SMG6: variants seen among roughly 807,000 people sequenced by gnomAD.
SMG6 encodes SMG6 nonsense mediated mRNA decay factor.
Under a neutral mutation model 142.2 loss-of-function variants are expected in SMG6, and 66 were observed. That is an observed-to-expected ratio of 0.46 (90% confidence interval 0.38 to 0.57). The LOEUF (loss-of-function observed/expected upper bound fraction) is 0.57, where lower values mean the gene tolerates loss of function less well. SMG6 is among the 20% of genes least tolerant of loss of function. The pLI is 0.00. For missense variants in SMG6, 1,793 were observed against 1,832.0 expected, an observed-to-expected ratio of 0.98 and a Z score of 0.39; for synonymous variants, 779 against 702.4, an observed-to-expected ratio of 1.11 and a Z score of -1.72.
intron 10 of SMG6, among the ~76,000 whole-genome samples, chr17:2,234,535 T>C (rs1378253987): frequency 6.6e-6 from 1 of 152,168 alleles, no homozygotes; most frequent in East Asian, 1.9e-4. Flanking sequence ...AGCGCTGGGA[T>C]TACAGGCGTG....
intron 10 of SMG6, among the ~76,000 whole-genome samples, chr17:2,231,558 G>A (rs1350349806): frequency 6.6e-6 from 1 of 152,084 alleles, no homozygotes; most frequent in Non-Finnish European, 1.5e-5. Context: ...TTAGCCAGGC[G>A]TGGTGGTGGG....
At chr17:2,091,148 A>G (rs1431729809) in intron 13 of SMG6, among the ~76,000 whole-genome samples, 1 of 152,256 alleles carries the variant, frequency 6.6e-6, no homozygotes, top group Non-Finnish European at 1.5e-5. Context: ...TCAATTCTGT[A>G]GCAGCCAAGG....
intron 9 of SMG6, among the ~76,000 whole-genome samples, chr17:2,238,036 G>C (rs1257230650): frequency 6.6e-6 from 1 of 152,204 alleles, no homozygotes; most frequent in Non-Finnish European, 1.5e-5. Flanking sequence ...ATAGAAAGCA[G>C]TTTCAAGTTC....
At chr17:2,224,709 G>A (rs1183827194) in intron 10 of SMG6, among the ~76,000 whole-genome samples, 2 of 151,930 alleles carry the variant, frequency 1.3e-5, no homozygotes, top group East Asian at 3.9e-4. Context: ...TTCCAAAACT[G>A]ATAGGAAAAC....
At chr17:2,253,286 C>T (rs1332596002) in intron 8 of SMG6, among the ~76,000 whole-genome samples, 3 of 151,978 alleles carry the variant, frequency 2.0e-5, no homozygotes, top group Non-Finnish European at 4.4e-5. Flanking sequence ...GGACTACAGG[C>T]GCCTGCCACT....
intron 13 of SMG6, among the ~76,000 whole-genome samples, chr17:2,156,782 T>C (rs1194457973): frequency 6.6e-6 from 1 of 152,178 alleles, no homozygotes; most frequent in East Asian, 1.9e-4. Context: ...AGCCTCCAAG[T>C]AGCTGGGACT....
chr17:2,104,046 G>A (rs1404795521), intron 13 of SMG6, among the ~76,000 whole-genome samples: 1 of 151,800 alleles, frequency 6.6e-6, no homozygotes, highest in Non-Finnish European at 1.5e-5. Context: ...CTGCTTCCCA[G>A]GTTCAAGTCA....
At chr17:2,286,748 A>C (rs2074913996) in intron 6 of SMG6, among the ~76,000 whole-genome samples, 1 of 152,132 alleles carries the variant, frequency 6.6e-6, no homozygotes, top group African/African-American at 2.4e-5. Flanking sequence ...AAAAAAAGAT[A>C]AACTGGACTT....
In SMG6 at chr17:2,283,643, A is replaced by C. The variant is rs192659467; in HGVS notation, c.2430T>G (p.Phe810Leu). The change falls in exon 7 of 19, where the codon TTT becomes TTG. Residue 810 changes from phenylalanine to leucine, a missense_variant. By Grantham distance (22) the Phe-to-Leu change is conservative (BLOSUM62 0). This residue lies in a region of SMG6 where 1,597 missense variants were observed against 1,584.6 expected (regional missense o/e 1.01). Coordinates refer to ENST00000263073, the MANE Select transcript of SMG6 (RefSeq NM_017575.5). Reference sequence around the variant, plus strand: ...CACTCACCTTCCGCTTGGTCTCTTCAAACAAGCTCATGAGACTCTCCTTGG... The same window carrying C: ...CACTCACCTTCCGCTTGGTCTCTTCCAACAAGCTCATGAGACTCTCCTTGG... ...LTAKESLMSL[F>L]EETKRKAEQM... is the part of the protein sequence containing the mutation. 3 of 1,614,118 alleles carry C rather than the reference A, an allele frequency of 1.9e-6. No homozygotes were observed. Among genetic ancestry groups the C allele is most frequent in the East Asian group, 4.5e-5 (2 of 44,872 alleles).
chr17:2,273,846 A>C (rs961292120), intron 8 of SMG6, among the ~76,000 whole-genome samples: 9 of 152,284 alleles, frequency 5.9e-5, no homozygotes, highest in African/African-American at 2.2e-4. Flanking sequence ...CAGTTGATTA[A>C]AATGTTGTGA....
intron 10 of SMG6, among the ~76,000 whole-genome samples, chr17:2,205,613 A>G (rs2072654680): frequency 6.6e-6 from 1 of 152,198 alleles, no homozygotes; most frequent in Non-Finnish European, 1.5e-5. Context: ...GCAAAGCAAA[A>G]GAGGAAACAC....
At chr17:2,108,689 C>T (rs2069222659) in intron 13 of SMG6, among the ~76,000 whole-genome samples, 1 of 151,814 alleles carries the variant, frequency 6.6e-6, no homozygotes, top group African/African-American at 2.4e-5. Flanking sequence ...CCCTTTAATT[C>T]CAGAACTTTG....
chr17:2,149,377 G>T (rs998467395), intron 13 of SMG6, among the ~76,000 whole-genome samples: 2 of 144,100 alleles, frequency 1.4e-5, no homozygotes, highest in Non-Finnish European at 3.0e-5. Context: ...AAAAAAAAGG[G>T]TTAAAATGGT....
At chr17:2,226,352 G>A (rs1190730358) in intron 10 of SMG6, among the ~76,000 whole-genome samples, 1 of 151,856 alleles carries the variant, frequency 6.6e-6, no homozygotes, top group East Asian at 1.9e-4. Context: ...AGGCCAAAGT[G>A]GGTGGATCAC....
chr17:2,254,335 A>ATT (rs1005616088), intron 8 of SMG6, among the ~76,000 whole-genome samples: 1 of 151,792 alleles, frequency 6.6e-6, no homozygotes, highest in Non-Finnish European at 1.5e-5. Flanking sequence ...GCTCAAACCC[A>ATT]TTTTTTTTGT....
Position 2,245,090 on chromosome 17 carries a change from G to C in SMG6, c.2662-371C>G, listed in dbSNP as rs551555294. Among the ~76,000 whole-genome samples, 15 of 152,316 alleles carry C rather than the reference G, an allele frequency of 9.8e-5. No individual in the cohort carries two copies. The South Asian group carries it at 2.9e-3, about 29-fold the overall frequency. The stretch of plus-strand genomic sequence containing the variant: ...GGAAATGAAACTCTAACAGGAGCAA[G>C]GATAATAGTGAAGGCCCTGGTTCTA... On this transcript the variant is annotated intron_variant, in intron 8 of 18. Transcript: ENST00000263073.
intron 10 of SMG6, among the ~76,000 whole-genome samples, chr17:2,222,709 A>G (rs9893573): frequency 0.36 from 55,409 of 151,844 alleles, 10,310 homozygotes; most frequent in Middle Eastern, 0.43. Context: ...AAGGAACGAG[A>G]GAGGTAAGGG....
In SMG6 at chr17:2,061,459, G is replaced by GT; in HGVS notation, c.*32dup. The GT allele has an allele frequency of 6.8e-7, 1 of 1,460,858 alleles. No individual in the cohort carries two copies. Among genetic ancestry groups the GT allele is most frequent in the Non-Finnish European group, 9.0e-7 (1 of 1,109,546 alleles). The allele number at this position is 1,460,858 out of a possible 1,614,324, so 90.5% of individuals were successfully genotyped here. On this transcript the variant is annotated 3_prime_UTR_variant, in exon 19 of 19. Coordinates refer to ENST00000263073, the MANE Select transcript of SMG6 (RefSeq NM_017575.5). ...GGCGCCTGGTGGCCTTTCAGGAACG[G>GT]TTCCACGGGGGGGGGGCCCCAGTGT...
At chr17:2,130,030 C>T (rs1430338259) in intron 13 of SMG6, among the ~76,000 whole-genome samples, 3 of 151,234 alleles carry the variant, frequency 2.0e-5, no homozygotes, top group South Asian at 2.1e-4. Flanking sequence ...GAGGCTGAGG[C>T]GAGTGGATCA....
Sources: allele counts gnomAD v4.1 joint callset (sites outside exome capture counted in the v4.1 genomes callset), GRCh38; gene constraint gnomAD v4.1.1; regional missense constraint gnomAD v4.1.1; transcripts MANE v1.5; gene names NCBI Gene and HGNC (gene_info 2026-07-23, HGNC 2026-07-21).